CACNA1C: variants seen among roughly 807,000 people sequenced by gnomAD.
The protein encoded by CACNA1C is voltage-dependent L-type calcium channel subunit alpha-1C.
CACNA1C carries 30 observed loss-of-function variants against 229.0 expected under a neutral mutation model. The observed-to-expected ratio is 0.13, with a 90% confidence interval of 0.10 to 0.18. The LOEUF is 0.18. Among genes scored for constraint, CACNA1C ranks in the 10% least tolerant of loss-of-function variants. The probability of loss-of-function intolerance (pLI) is 1.00; values close to 1 mark genes in which losing one functional copy is unlikely to be tolerated. For synonymous variants in CACNA1C, 1,114 were observed against 1,132.5 expected (o/e 0.98, Z 0.33); for missense variants, 1,658 against 2,845.0 (o/e 0.58, Z 9.49).
At chr12:2,242,079 CCCTCCTCCCAGTCAGGCCGCAT>C (rs1336891752) in intron 3 of CACNA1C, among the ~76,000 whole-genome samples, 1 of 152,142 alleles carries the variant, frequency 6.6e-6, no homozygotes, top group African/African-American at 2.4e-5. Flanking sequence ...TCTGCATAGC[CCCTCCTCCCAGTCAGGCCGCAT>C]CCTCCGACCT....
intron 3 of CACNA1C, among the ~76,000 whole-genome samples, chr12:2,419,517 A>G (rs2154555721): frequency 6.6e-6 from 1 of 152,222 alleles, no homozygotes; most frequent in Admixed American, 6.5e-5. Context: ...CTATAGCACC[A>G]CCATGCCAGT....
At chr12:2,587,376 G>A (rs1304733733) in intron 18 of CACNA1C, among the ~76,000 whole-genome samples, 1 of 152,192 alleles carries the variant, frequency 6.6e-6, no homozygotes, top group African/African-American at 2.4e-5. Flanking sequence ...TTAGAGCCCT[G>A]AGAAGAGCCC....
At chr12:2,432,386 G>A (rs1212284534) in intron 3 of CACNA1C, among the ~76,000 whole-genome samples, 1 of 152,192 alleles carries the variant, frequency 6.6e-6, no homozygotes, top group Non-Finnish European at 1.5e-5. Flanking sequence ...ATGCCAGGTG[G>A]GCTTTCAATG....
intron 9 of CACNA1C, among the ~76,000 whole-genome samples, chr12:2,539,306 A>G (rs2099863705): frequency 4.6e-5 from 1 of 21,822 alleles, no homozygotes; most frequent in Non-Finnish European, 8.1e-5. Context: ...CTTCATAAAG[A>G]TGCAGGCAGG....
chr12:2,655,734 T>C (rs572850263), intron 34 of CACNA1C, among the ~76,000 whole-genome samples: 1 of 152,330 alleles, frequency 6.6e-6, no homozygotes, highest in South Asian at 2.1e-4. Context: ...CAATAGTACA[T>C]GAGAAAGATG....
chr12:2,297,111 C>T lies in CACNA1C; in HGVS notation c.478-151865C>T, dbSNP rs544380623. On this transcript the variant is annotated intron_variant, in intron 3 of 46. Coordinates refer to ENST00000399655, the MANE Select transcript of CACNA1C (RefSeq NM_000719.7). Reference sequence around the variant, plus strand: ...GTCAGGTCCAGGACAGCAAAGAAACCGCTCAGTAATAGAAGCAACTCCGAT... The same window carrying T: ...GTCAGGTCCAGGACAGCAAAGAAACTGCTCAGTAATAGAAGCAACTCCGAT... Among the ~76,000 whole-genome samples, 16 of 152,236 alleles carry T rather than the reference C, an allele frequency of 1.1e-4. No homozygotes were observed. In the East Asian group the frequency reaches 2.7e-3, roughly 26 times the overall value.
In CACNA1C at chr12:2,486,545, T is replaced by C. The variant is rs990497238; in HGVS notation, c.916+283T>C. Among the ~76,000 whole-genome samples, 3 of 152,270 alleles carry C rather than the reference T, an allele frequency of 2.0e-5. No individual in the cohort carries two copies. Among genetic ancestry groups the C allele is most frequent in the Non-Finnish European group, 2.9e-5 (2 of 68,050 alleles). On this transcript the variant is annotated intron_variant, in intron 6 of 46. Transcript: ENST00000399655. This position sits in a 1 kb window ranked among gnomAD's most constrained non-coding sequence, Gnocchi z 4.9. The stretch of plus-strand genomic sequence containing the variant: ...AAACATTTGAATAACTTAGAACCTA[T>C]CTTTTGTCAATCTACGACTTTTCAA...
intron 3 of CACNA1C, among the ~76,000 whole-genome samples, chr12:2,311,056 A>G (rs901971415): frequency 2.0e-5 from 3 of 152,192 alleles, no homozygotes; most frequent in Non-Finnish European, 4.4e-5. Flanking sequence ...GGCCACACAC[A>G]GTGAGGCTTT....
At chr12:2,514,206 A>C (rs567763446) in intron 9 of CACNA1C, among the ~76,000 whole-genome samples, 75 of 152,368 alleles carry the variant, frequency 4.9e-4, no homozygotes, top group Middle Eastern at 6.8e-3. Context: ...TGCCAGGAGC[A>C]GAAACAGGTG....
intron 2 of CACNA1C, among the ~76,000 whole-genome samples, 164 bp downstream of exon 2, chr12:2,115,709 T>G: frequency 6.6e-6 from 1 of 152,258 alleles, no homozygotes; most frequent in East Asian, 1.9e-4. Context: ...TGCAGAGTTC[T>G]GGGCCCCGCC....
upstream of CACNA1C, among the ~76,000 whole-genome samples, chr12:2,049,769 C>T (rs779337044): frequency 6.6e-6 from 1 of 152,172 alleles, no homozygotes; most frequent in Non-Finnish European, 1.5e-5. Context: ...CAGACTCCCT[C>T]CTCTGCTCCC....
chr12:2,436,861 T>C (rs1299331153), intron 3 of CACNA1C, among the ~76,000 whole-genome samples: 2 of 152,220 alleles, frequency 1.3e-5, no homozygotes, highest in East Asian at 3.8e-4. Context: ...GTTCAACTGC[T>C]TCCCCCAGGA....
At chr12:2,193,188 C>A (rs2097294463) in intron 3 of CACNA1C, among the ~76,000 whole-genome samples, 1 of 152,224 alleles carries the variant, frequency 6.6e-6, no homozygotes, top group Non-Finnish European at 1.5e-5. Flanking sequence ...GGTGCAGAGG[C>A]CCATGCCTGA....
intron 1 of CACNA1C, among the ~76,000 whole-genome samples, chr12:2,042,023 A>G (rs2050204928): frequency 6.6e-6 from 1 of 152,256 alleles, no homozygotes; most frequent in South Asian, 2.1e-4. Context: ...CTGGTGCTTT[A>G]TAAATCTTGA....
chr12:2,679,539 C>T lies in CACNA1C; in HGVS notation c.5187C>T (p.His1729=), dbSNP rs748975371. 6.2e-7 allele frequency: 1 copy of T among 1,613,270 alleles called. No individual in the cohort carries two copies. The highest frequency in any genetic ancestry group is 8.5e-7 in the Non-Finnish European group (1 of 1,179,562). ...CCTTCACCACTCAGCGCCCGCTGCA[C>T]ATCAACAAGGCGGGCAGCAGCCAGG... ...PQTFTTQRPL[H]INKAGSSQGD... The change falls in exon 42 of 47, where the codon CAC becomes CAT. Residue 1729 remains histidine (H), a synonymous_variant. Coordinates refer to ENST00000399655, the MANE Select transcript of CACNA1C (RefSeq NM_000719.7). The surrounding 1 kb of genome is among the most constrained non-coding windows in gnomAD (Gnocchi z 5.5).
At chr12:2,097,771 T>C (rs2074846632) in intron 1 of CACNA1C, among the ~76,000 whole-genome samples, 1 of 152,184 alleles carries the variant, frequency 6.6e-6, no homozygotes, top group Non-Finnish European at 1.5e-5. Context: ...TCAGGCCACC[T>C]CTGCAGCTGG....
At chr12:2,063,573 A>C (rs1404031058) in intron 1 of CACNA1C, among the ~76,000 whole-genome samples, 1 of 152,232 alleles carries the variant, frequency 6.6e-6, no homozygotes, top group Non-Finnish European at 1.5e-5. Flanking sequence ...ATTGAAAGGA[A>C]GCACGTGAAA....
intron 9 of CACNA1C, among the ~76,000 whole-genome samples, chr12:2,544,886 T>C (rs1201564476): frequency 1.3e-5 from 2 of 152,224 alleles, no homozygotes; most frequent in Non-Finnish European, 2.9e-5. Flanking sequence ...TTGAGCCCTT[T>C]CTGTTGGCCA....
chr12:2,653,399 C>T lies in CACNA1C; in HGVS notation c.4075-436C>T, dbSNP rs116056463. 5.9e-3 allele frequency among the ~76,000 whole-genome samples: 892 copies of T among 152,172 alleles called. 5 individuals carry two copies. The highest frequency in any genetic ancestry group is 0.02 in the African/African-American group (831 of 41,498). On this transcript the variant is annotated intron_variant, in intron 32 of 46. Coordinates refer to ENST00000399655, the MANE Select transcript of CACNA1C (RefSeq NM_000719.7). The surrounding 1 kb of genome is among the most constrained non-coding windows in gnomAD (Gnocchi z 4.7). ...ATGTTTCCATTGCAATAGTAATACC[C>T]GCTCACTACAACTAGTGGGATGGAA...
Sources: gnomAD v4.1 joint callset for allele counts (sites outside exome capture counted in the v4.1 genomes callset) on GRCh38, gnomAD v4.1.1 for gene constraint, Gnocchi (gnomAD v3.1) non-coding constraint, MANE v1.5 for transcripts, NCBI Gene and HGNC (gene_info 2026-07-23, HGNC 2026-07-21) for gene names.